OR5A1: variants seen among roughly 807,000 people sequenced by gnomAD.
OR5A1 encodes olfactory receptor family 5 subfamily A member 1.
In OR5A1, 6 loss-of-function variants were observed where a neutral mutation model predicts 6.7. The ratio of observed to expected loss-of-function variants is 0.89; its 90% CI spans 0.49 to 1.76. The LOEUF (loss-of-function observed/expected upper bound fraction) is 1.76. Among genes scored for constraint, OR5A1 ranks in the 40% most tolerant of loss-of-function variants. The probability of loss-of-function intolerance (pLI) is 0.01; values close to 1 mark genes in which losing one functional copy is unlikely to be tolerated. For synonymous variants in OR5A1, 170 were observed against 155.0 expected, an observed-to-expected ratio of 1.10 and a Z score of -0.72; for missense variants, 378 against 381.7, an observed-to-expected ratio of 0.99 and a Z score of 0.08.
intron 1 of OR5A1, among the ~76,000 whole-genome samples, chr11:59,440,745 A>G (rs2134534986): frequency 6.6e-6 from 1 of 152,332 alleles, no homozygotes; most frequent in Middle Eastern, 3.4e-3. Flanking sequence ...ATTTCTTTGA[A>G]GGATAAAGAA....
chr11:59,443,803 C>T lies in OR5A1; in HGVS notation c.635C>T (p.Thr212Ile), dbSNP rs745388738. The T allele has an allele frequency of 1.2e-6, 2 of 1,613,856 alleles. No individual in the cohort carries two copies. Among genetic ancestry groups the T allele is most frequent in the Non-Finnish European group, 1.7e-6 (2 of 1,179,766 alleles). The change falls in exon 2 of 2, where the codon ACA becomes ATA. Residue 212 changes from threonine to isoleucine, a missense_variant. Transcript: ENST00000641045. ...NFLVVVTVGG[T>I]SFLQLLISYG... Reference sequence around the variant, plus strand: ...CTCGTGGTGGTCACTGTCGGAGGAACATCGTTCCTCCAACTCCTTATCTCC... The same window carrying T: ...CTCGTGGTGGTCACTGTCGGAGGAATATCGTTCCTCCAACTCCTTATCTCC...
At position 59,446,985 on chromosome 11, in the gene OR5A1, G is replaced by C; in HGVS notation, c.*2869G>C. On this transcript the variant is annotated 3_prime_UTR_variant, in exon 2 of 2. Coordinates refer to ENST00000641045, the MANE Select transcript of OR5A1 (RefSeq NM_001004728.2). ...CATTCCCATCCACGGCCAATAAAAC[G>C]TAGAATGACTCCTACAAATCGTATA... The C allele has an allele frequency of 1.3e-5, 2 of 152,262 alleles. No individual in the cohort carries two copies. Among genetic ancestry groups the C allele is most frequent in the East Asian group, 3.9e-4 (2 of 5,180 alleles). The allele number at this position is 152,262 out of a possible 1,614,324, so 9.4% of individuals were successfully genotyped here. A position where few individuals can be genotyped will look rare whatever the true frequency, so the allele number is the denominator to read the frequency against.
At position 59,443,159 on chromosome 11, in the gene OR5A1, C is replaced by T. The variant is rs1218962072; in HGVS notation, c.-10C>T. ...AGGTCTGCATCTTGTCCTTGTGGTC[C>T]ACGGGAAGCATGTCCATAACCAAAG... is the stretch of plus-strand genomic sequence containing the variant. On this transcript the variant is annotated 5_prime_UTR_variant, in exon 2 of 2. Transcript: ENST00000641045. 1.2e-6 allele frequency: 2 copies of T among 1,607,098 alleles called. No homozygotes were observed. Among genetic ancestry groups the T allele is most frequent in the African/African-American group, 2.7e-5 (2 of 74,794 alleles).
At position 59,443,543 on chromosome 11, in the gene OR5A1, A is replaced by T. The variant is rs1183983814; in HGVS notation, c.375A>T (p.Arg125=). 1.9e-6 allele frequency: 3 copies of T among 1,613,902 alleles called. No individual in the cohort carries two copies. The highest frequency in any genetic ancestry group is 2.5e-6 in the Non-Finnish European group (3 of 1,179,994). The change falls in exon 2 of 2, where the codon CGA becomes CGT. Residue 125 remains arginine (R), a synonymous_variant. Transcript: ENST00000641045. ...TCCTGACTGCTATGGCATACGACCG[A>T]TATGCAGCCATCTCCAGCCCCCTTC... ...CLLLTAMAYD[R]YAAISSPLLY... is the part of the protein sequence containing the mutation.
rs1467689889 is a variant in OR5A1, at chr11:59,448,970, G to C, written c.*4854G>C. The stretch of plus-strand genomic sequence containing the variant: ...ATAATTTAGAGAAGGAGCCTTTGGA[G>C]ATTCCTCAGACTTCCCTGTACACAG... On this transcript the variant is annotated 3_prime_UTR_variant, in exon 2 of 2. Coordinates refer to ENST00000641045, the MANE Select transcript of OR5A1 (RefSeq NM_001004728.2). 2.0e-5 allele frequency: 3 copies of C among 152,074 alleles called. No individual in the cohort carries two copies. Among genetic ancestry groups the C allele is most frequent in the Non-Finnish European group, 1.5e-5 (1 of 68,024 alleles). 9.4% of individuals were successfully genotyped at this position (152,074 alleles called of 1,614,324 possible).
chr11:59,440,409 T>C (rs1225998721), intron 1 of OR5A1, among the ~76,000 whole-genome samples: 2 of 152,156 alleles, frequency 1.3e-5, no homozygotes, highest in African/African-American at 4.8e-5. Context: ...AATGAGGAAA[T>C]TGAAATTCAG....
rs1223081692 is a variant in OR5A1 at position 59,450,567 on chromosome 11, T to C, written c.*6451T>C. ...AGAACTTTTTACTTCAAATTGTAAA[T>C]AGGTATAATACTTTTTCTGATTTTC... On this transcript the variant is annotated 3_prime_UTR_variant, in exon 2 of 2. Coordinates refer to ENST00000641045, the MANE Select transcript of OR5A1 (RefSeq NM_001004728.2). The C allele has an allele frequency of 6.6e-6, 1 of 152,152 alleles. No homozygotes were observed. The highest frequency in any genetic ancestry group is 1.5e-5 in the Non-Finnish European group (1 of 68,018). 9.4% of individuals were successfully genotyped at this position (152,152 alleles called of 1,614,324 possible). A position where few individuals can be genotyped will look rare whatever the true frequency, so the allele number is the denominator to read the frequency against.
rs1443199087 is a variant in OR5A1, at chr11:59,443,704, ACTT to A, written c.542_544del (p.Phe181del). ...TTTTGCGGACCCAACATCATCAACC[ACTT>A]CTTCTGCGACCTCCCACCAGTCCTG... On this transcript the variant is annotated inframe_deletion, in exon 2 of 2. Transcript: ENST00000641045. 3.1e-6 allele frequency: 5 copies of A among 1,613,546 alleles called. No homozygotes were observed. Among genetic ancestry groups the A allele is most frequent in the Non-Finnish European group, 3.4e-6 (4 of 1,179,876 alleles).
intron 1 of OR5A1, among the ~76,000 whole-genome samples, chr11:59,437,061 T>C (rs1179074528): frequency 6.6e-6 from 1 of 152,180 alleles, no homozygotes; most frequent in Non-Finnish European, 1.5e-5. Flanking sequence ...CACGGCAATA[T>C]TGACCAGAGA....
rs1407364791 is a variant in OR5A1, at chr11:59,444,780, T to C, written c.*664T>C. On this transcript the variant is annotated 3_prime_UTR_variant, in exon 2 of 2. Coordinates refer to ENST00000641045, the MANE Select transcript of OR5A1 (RefSeq NM_001004728.2). ...GGATCTCCCTGTTGAATTCCAATTA[T>C]GGCTACTGAGTAATTTGCTAAGCAA... is the stretch of plus-strand genomic sequence containing the variant. The C allele has an allele frequency of 6.6e-6, 1 of 152,250 alleles. No individual in the cohort carries two copies. Among genetic ancestry groups the C allele is most frequent in the Admixed American group, 6.5e-5 (1 of 15,288 alleles). 9.4% of individuals were successfully genotyped at this position (152,250 alleles called of 1,614,324 possible). A position where few individuals can be genotyped will look rare whatever the true frequency, so the allele number is the denominator to read the frequency against.
chr11:59,443,277 A>G lies in OR5A1; in HGVS notation c.109A>G (p.Ile37Val), dbSNP rs752451013. Residue 37 changes from isoleucine to valine, a missense_variant, in exon 2 of 2, where the codon ATC becomes GTC. Coordinates refer to ENST00000641045, the MANE Select transcript of OR5A1 (RefSeq NM_001004728.2). ...QALLFVTFLG[I>V]YLTTLAWNLA... ...CCTCCTCTTTGTGACCTTCCTGGGC[A>G]TCTATCTTACCACCCTGGCCTGGAA... 4 of 1,613,876 alleles carry G rather than the reference A, an allele frequency of 2.5e-6. No homozygotes were observed. Among genetic ancestry groups the G allele is most frequent in the Non-Finnish European group, 3.4e-6 (4 of 1,179,968 alleles).
At position 59,445,958 on chromosome 11, in the gene OR5A1, T is replaced by C. The variant is rs1484495277; in HGVS notation, c.*1842T>C. 6 of 152,226 alleles carry C rather than the reference T, an allele frequency of 3.9e-5. No homozygotes were observed. In the East Asian group the frequency reaches 1.2e-3, roughly 29 times the overall value. 9.4% of individuals were successfully genotyped at this position (152,226 alleles called of 1,614,324 possible). A position where few individuals can be genotyped will look rare whatever the true frequency, so the allele number is the denominator to read the frequency against. On this transcript the variant is annotated 3_prime_UTR_variant, in exon 2 of 2. Transcript: ENST00000641045. ...GTAGGTTGTCTGTTCATTCTAATGA[T>C]AGCTTCTTTTGCAGAATCTCTTTAG...
In OR5A1 at chr11:59,440,615, G is replaced by A. The variant is rs1858470754; in HGVS notation, c.-33-2521G>A. On this transcript the variant is annotated intron_variant, in intron 1 of 1. Coordinates refer to ENST00000641045, the MANE Select transcript of OR5A1 (RefSeq NM_001004728.2). ...CAGGTTTCTACCTTGCCAAATGGCT[G>A]TACCTCTATGGAATGTGTGAGGCCT... 5.3e-5 allele frequency among the ~76,000 whole-genome samples: 8 copies of A among 152,294 alleles called. No homozygotes were observed. In the South Asian group the frequency reaches 1.7e-3, roughly 32 times the overall value.
intron 1 of OR5A1, among the ~76,000 whole-genome samples, chr11:59,439,235 A>G (rs573983955): frequency 5.9e-5 from 9 of 152,304 alleles, no homozygotes; most frequent in South Asian, 2.1e-4. Context: ...GTCCCCATCA[A>G]TTATCCAGTA....
In OR5A1 at chr11:59,443,939, A is replaced by G. The variant is rs746048449; in HGVS notation, c.771A>G (p.Thr257=). Residue 257 remains threonine (T), a synonymous_variant, in exon 2 of 2, where the codon ACA becomes ACG. Coordinates refer to ENST00000641045, the MANE Select transcript of OR5A1 (RefSeq NM_001004728.2). ...TGGTGGTGACTCTGCTGTTTGGGAC[A>G]GCCCTTTTCGTGTACTTGCGACCCA... ...HLMVVTLLFG[T]ALFVYLRPSS... 1.7e-5 allele frequency: 28 copies of G among 1,614,004 alleles called. No individual in the cohort carries two copies. The highest frequency in any genetic ancestry group is 1.0e-4 in the Admixed American group (6 of 59,994).
chr11:59,448,761 A>G lies in OR5A1; in HGVS notation c.*4645A>G, dbSNP rs985499055. The G allele has an allele frequency of 6.6e-6, 1 of 152,192 alleles. No individual in the cohort carries two copies. Among genetic ancestry groups the G allele is most frequent in the Non-Finnish European group, 1.5e-5 (1 of 68,036 alleles). The allele number at this position is 152,192 out of a possible 1,614,324, so 9.4% of individuals were successfully genotyped here. On this transcript the variant is annotated 3_prime_UTR_variant, in exon 2 of 2. Transcript: ENST00000641045. ...TTCTCAGCATCTAGAACTGCCTGAT[A>G]TACAAAACGCAATAAATATGCATTT... is the stretch of plus-strand genomic sequence containing the variant.
At chr11:59,440,481 C>A (rs1456723855) in intron 1 of OR5A1, among the ~76,000 whole-genome samples, 2 of 152,294 alleles carry the variant, frequency 1.3e-5, no homozygotes, top group South Asian at 4.1e-4. Context: ...GAATTAGAAC[C>A]AGTCTTTTTC....
At chr11:59,442,993 G>C (rs1858497337) in intron 1 of OR5A1, 143 bp from the exon 2 acceptor site, 6 of 594,050 alleles carry the variant, frequency 1.0e-5, no homozygotes, top group Non-Finnish European at 1.8e-5. Flanking sequence ...TTCTTTGAGA[G>C]AGAGAGACTG....
At chr11:59,440,814 A>C (rs909854090) in intron 1 of OR5A1, among the ~76,000 whole-genome samples, 2 of 152,246 alleles carry the variant, frequency 1.3e-5, no homozygotes, top group Admixed American at 6.5e-5. Context: ...AAACCTTAGA[A>C]TATAGGATGA....
Sources: allele counts gnomAD v4.1 joint callset (sites outside exome capture counted in the v4.1 genomes callset), GRCh38; gene constraint gnomAD v4.1.1; transcripts MANE v1.5; gene names NCBI Gene and HGNC (gene_info 2026-07-23, HGNC 2026-07-21).